The following LDLRAD4 variants were observed in gnomAD, a reference collection of about 807,000 sequenced individuals.
The protein encoded by LDLRAD4 is low density lipoprotein receptor class A domain containing 4, also known as low-density lipoprotein receptor class A domain-containing protein 4.
In LDLRAD4, 5 loss-of-function variants were observed where a neutral mutation model predicts 17.0. The ratio of observed to expected loss-of-function variants is 0.29; its 90% CI spans 0.15 to 0.62. The LOEUF is 0.62. LDLRAD4 is among the 20% of genes least tolerant of loss of function. LDLRAD4 has a pLI of 0.84. For synonymous variants in LDLRAD4, 168 were observed against 171.8 expected (o/e 0.98, Z 0.17); for missense variants, 340 against 424.7 (o/e 0.80, Z 1.75).
intron 2 of LDLRAD4, among the ~76,000 whole-genome samples, chr18:13,424,992 G>C (rs570995953): frequency 6.6e-6 from 1 of 152,314 alleles, no homozygotes; most frequent in Admixed American, 6.5e-5. Flanking sequence ...AGAGATAACA[G>C]TTTGCTTAAT....
At chr18:13,516,048 C>T (rs2093861317) in intron 3 of LDLRAD4, 1 of 152,226 alleles carries the variant, frequency 6.6e-6, no homozygotes, top group Non-Finnish European at 1.5e-5. Context: ...CTCCTGGCCT[C>T]AAGTGATCCA....
At chr18:13,548,729 G>C (rs999495143) in intron 3 of LDLRAD4, among the ~76,000 whole-genome samples, 22 of 152,188 alleles carry the variant, frequency 1.4e-4, no homozygotes, top group Non-Finnish European at 2.8e-4. Context: ...GCCTGGGAGA[G>C]TGGGGCTCCT....
At chr18:13,321,438 T>G (rs150185300) in intron 1 of LDLRAD4, among the ~76,000 whole-genome samples, 7 of 152,344 alleles carry the variant, frequency 4.6e-5, no homozygotes, top group African/African-American at 1.7e-4. Flanking sequence ...TCCCTCAAAT[T>G]TTAAGTGGTT....
intron 1 of LDLRAD4, among the ~76,000 whole-genome samples, chr18:13,264,508 T>C (rs900218559): frequency 6.6e-6 from 1 of 152,194 alleles, no homozygotes; most frequent in African/African-American, 2.4e-5. Context: ...TAATGGGGAG[T>C]TGACTTCTCT....
At chr18:13,465,637 A>C (rs890294216) in intron 3 of LDLRAD4, among the ~76,000 whole-genome samples, 1 of 152,202 alleles carries the variant, frequency 6.6e-6, no homozygotes, top group African/African-American at 2.4e-5. Flanking sequence ...TACAAACCAT[A>C]CAACATTTGG....
chr18:13,281,339 T>C (rs2045262826), intron 1 of LDLRAD4, among the ~76,000 whole-genome samples: 1 of 152,168 alleles, frequency 6.6e-6, no homozygotes, highest in African/African-American at 2.4e-5. Flanking sequence ...CAGTGAGCTA[T>C]GATCATGCCA....
In LDLRAD4 at chr18:13,590,263, T is replaced by C. The variant is rs548813458; in HGVS notation, c.182-30854T>C. Among the ~76,000 whole-genome samples the C allele has an allele frequency of 1.4e-3, 202 of 148,852 alleles. 3 individuals are homozygous for C. The South Asian group carries it at 0.016, about 12-fold the overall frequency. ...TGCATGTGAGGGGGATAGGTGTGTA[T>C]ATATGTGTGTGCATATGGAGTGTGG... On this transcript the variant is annotated intron_variant, in intron 3 of 5. Coordinates refer to ENST00000359446, the Ensembl canonical transcript of LDLRAD4.
At chr18:13,361,775 C>A (rs2083687458) in intron 1 of LDLRAD4, among the ~76,000 whole-genome samples, 1 of 152,032 alleles carries the variant, frequency 6.6e-6, no homozygotes. Flanking sequence ...CCATGAGGGG[C>A]CTCTCCATCC....
intron 3 of LDLRAD4, chr18:13,614,612 A>G (rs915063176): frequency 2.0e-5 from 3 of 152,296 alleles, no homozygotes; most frequent in East Asian, 1.9e-4. Context: ...CCCCTCAACC[A>G]TGGTGTTTAA....
intron 2 of LDLRAD4, among the ~76,000 whole-genome samples, chr18:13,429,809 A>C (rs935863857): frequency 7.2e-5 from 11 of 152,228 alleles, no homozygotes; most frequent in Non-Finnish European, 1.3e-4. Context: ...GCAGGTCGCG[A>C]GGCCCCACAG....
At chr18:13,351,401 G>A (rs572958334) in intron 1 of LDLRAD4, among the ~76,000 whole-genome samples, 3 of 152,194 alleles carry the variant, frequency 2.0e-5, no homozygotes, top group South Asian at 2.1e-4. Context: ...TTGTGAATGG[G>A]AGTTCATTTG....
At chr18:13,470,166 C>T (rs373661092) in intron 3 of LDLRAD4, among the ~76,000 whole-genome samples, 64 of 152,240 alleles carry the variant, frequency 4.2e-4, no homozygotes, top group African/African-American at 1.5e-3. Context: ...AAGCCCTTGA[C>T]ATCCAAAGGG....
intron 3 of LDLRAD4, chr18:13,461,094 CT>C (rs3831474): frequency 0.87 from 133,050 of 152,312 alleles, 59,223 homozygotes; most frequent in Middle Eastern, 0.97. Flanking sequence ...CTTGCTGTCT[CT>C]TGAGTACCGT....
chr18:13,510,367 C>G (rs1250177318), intron 3 of LDLRAD4, among the ~76,000 whole-genome samples: 1 of 152,166 alleles, frequency 6.6e-6, no homozygotes, highest in Non-Finnish European at 1.5e-5. Flanking sequence ...GCCTCAGTTT[C>G]TCTTCTGTAC....
rs537507936 is a variant in LDLRAD4 at position 13,622,416 on chromosome 18, G to T, written c.336+1145G>T. On this transcript the variant is annotated intron_variant, in intron 4 of 5. Coordinates refer to ENST00000359446, the Ensembl canonical transcript of LDLRAD4. The surrounding 1 kb of genome is among the most constrained non-coding windows in gnomAD (Gnocchi z 5.3). ...GAGGGCTAGACGGGGCAGCCTCGGGGAGGAGATGGGATGCCAGGGGAAGAC... is the reference window on the plus strand; with the variant it reads ...GAGGGCTAGACGGGGCAGCCTCGGGTAGGAGATGGGATGCCAGGGGAAGAC... Among the ~76,000 whole-genome samples, 1 of 152,320 alleles carries T rather than the reference G, an allele frequency of 6.6e-6. No individual in the cohort carries two copies. Among genetic ancestry groups the T allele is most frequent in the Non-Finnish European group, 1.5e-5 (1 of 68,022 alleles).
At chr18:13,304,901 G>A (rs949681520) in intron 1 of LDLRAD4, among the ~76,000 whole-genome samples, 5 of 152,172 alleles carry the variant, frequency 3.3e-5, no homozygotes, top group African/African-American at 7.2e-5. Context: ...GCCTGCATGC[G>A]TCAGCCTGCT....
chr18:13,399,030 G>A (rs1221179116), intron 2 of LDLRAD4, among the ~76,000 whole-genome samples: 18 of 152,104 alleles, frequency 1.2e-4, no homozygotes, highest in Admixed American at 1.2e-3. Flanking sequence ...CTTGAGCCCA[G>A]GAGTTCCTGT....
chr18:13,476,026 T>C (rs1484203606), intron 3 of LDLRAD4, among the ~76,000 whole-genome samples: 1 of 151,982 alleles, frequency 6.6e-6, no homozygotes, highest in Non-Finnish European at 1.5e-5. Flanking sequence ...GAATGGGGTG[T>C]TTGTCAGGGG....
At chr18:13,632,174 T>A (rs1372657877) in intron 4 of LDLRAD4, among the ~76,000 whole-genome samples, 2 of 152,160 alleles carry the variant, frequency 1.3e-5, no homozygotes, top group Non-Finnish European at 2.9e-5. Flanking sequence ...CCTTAGGGTG[T>A]CACTTCGCCA....
Sources: allele counts gnomAD v4.1 joint callset (sites outside exome capture counted in the v4.1 genomes callset), GRCh38; gene constraint gnomAD v4.1.1; non-coding constraint Gnocchi (gnomAD v3.1); transcripts MANE v1.5; gene names NCBI Gene and HGNC (gene_info 2026-07-23, HGNC 2026-07-21).